Variants in DLGAP1 observed in about 807,000 individuals in gnomAD.
DLGAP1 encodes the protein DLG associated protein 1.
A neutral mutation model predicts 90.8 loss-of-function variants in DLGAP1; 11 were observed. The observed-to-expected ratio is 0.12, with a 90% confidence interval of 0.08 to 0.20. The LOEUF (loss-of-function observed/expected upper bound fraction) is 0.20, where lower values mean the gene tolerates loss of function less well. Among genes scored for constraint, DLGAP1 ranks in the 10% least tolerant of loss-of-function variants. The pLI, the probability that DLGAP1 is intolerant of heterozygous loss-of-function variation, is 1.00. For missense variants in DLGAP1, 1,050 were observed against 1,333.8 expected, an observed-to-expected ratio of 0.79 and a Z score of 3.31; for synonymous variants, 558 against 540.7, an observed-to-expected ratio of 1.03 and a Z score of -0.44.
At chr18:3,847,628 G>A (rs2069091917) in intron 4 of DLGAP1, among the ~76,000 whole-genome samples, 1 of 152,150 alleles carries the variant, frequency 6.6e-6, no homozygotes, top group Admixed American at 6.5e-5. Flanking sequence ...ATCACCAAAC[G>A]TAATTATAGC....
intron 1 of DLGAP1, among the ~76,000 whole-genome samples, chr18:4,162,537 A>G (rs1415270917): frequency 6.6e-6 from 1 of 152,216 alleles, no homozygotes; most frequent in African/African-American, 2.4e-5. Flanking sequence ...AAGGAAGTAA[A>G]TAATCTGAAA....
chr18:3,708,611 T>C (rs2061509509), intron 7 of DLGAP1: 1 of 447,188 alleles, frequency 2.2e-6, no homozygotes, highest in African/African-American at 2.0e-5. Flanking sequence ...GCGATGGGCA[T>C]CTGGACTTAA....
At chr18:3,741,327 C>CATCA (rs2063027339) in intron 6 of DLGAP1, among the ~76,000 whole-genome samples, 1 of 136,406 alleles carries the variant, frequency 7.3e-6, no homozygotes, top group Non-Finnish European at 1.5e-5. Flanking sequence ...ACCACCACCA[C>CATCA]CATCACCACC....
At chr18:4,161,482 C>G (rs2076844607) in intron 1 of DLGAP1, among the ~76,000 whole-genome samples, 1 of 152,090 alleles carries the variant, frequency 6.6e-6, no homozygotes, top group South Asian at 2.1e-4. Flanking sequence ...TTTTCTTTAT[C>G]CAGTCTACCA....
At chr18:3,965,940 C>CAAAAAAAA (rs544643910) in intron 3 of DLGAP1, among the ~76,000 whole-genome samples, 1 of 100,576 alleles carries the variant, frequency 9.9e-6, no homozygotes, top group African/African-American at 3.8e-5. Context: ...GACTCCATGT[C>CAAAAAAAA]AAAAAAAAAA....
At chr18:3,645,709 C>T (rs2059095397) in intron 7 of DLGAP1, among the ~76,000 whole-genome samples, 1 of 152,208 alleles carries the variant, frequency 6.6e-6, no homozygotes, top group Admixed American at 6.6e-5. Context: ...CCATTGCATT[C>T]ATTATATTAA....
At chr18:3,889,764 C>T (rs190681326) in intron 3 of DLGAP1, among the ~76,000 whole-genome samples, 1 of 152,284 alleles carries the variant, frequency 6.6e-6, no homozygotes, top group Non-Finnish European at 1.5e-5. Flanking sequence ...GGGGATGTTC[C>T]TAGAATCACT....
intron 1 of DLGAP1, among the ~76,000 whole-genome samples, chr18:4,396,011 A>G (rs1189418376): frequency 6.6e-6 from 1 of 152,194 alleles, no homozygotes; most frequent in Non-Finnish European, 1.5e-5. Context: ...ATACAAACAT[A>G]TGAAGGAGCA....
intron 2 of DLGAP1, among the ~76,000 whole-genome samples, chr18:4,034,877 T>C (rs2074862248): frequency 6.6e-6 from 1 of 151,754 alleles, no homozygotes; most frequent in African/African-American, 2.4e-5. Flanking sequence ...CTAACTACTT[T>C]CCCCTGCACT....
Position 4,055,349 on chromosome 18 carries a change from G to T in DLGAP1, c.-158-50148C>A, listed in dbSNP as rs140200610. On this transcript the variant is annotated intron_variant, in intron 2 of 12. Coordinates refer to ENST00000315677, the MANE Select transcript of DLGAP1 (RefSeq NM_004746.4). ...TTGCCATATAGGTAAATTGCACACCGTGAGAGTTTGGTGTACAGATTATTT... is the reference window on the plus strand; with the variant it reads ...TTGCCATATAGGTAAATTGCACACCTTGAGAGTTTGGTGTACAGATTATTT... Among the ~76,000 whole-genome samples, 863 of 152,298 alleles carry T rather than the reference G, an allele frequency of 5.7e-3. 7 individuals carry two copies. The highest frequency in any genetic ancestry group is 0.024 in the South Asian group (118 of 4,822).
At chr18:3,762,349 AC>A (rs1424622345) in intron 5 of DLGAP1, among the ~76,000 whole-genome samples, 1 of 152,246 alleles carries the variant, frequency 6.6e-6, no homozygotes, top group African/African-American at 2.4e-5. Flanking sequence ...TTTAAATTGT[AC>A]CAGGCAGCCC....
intron 4 of DLGAP1, among the ~76,000 whole-genome samples, chr18:3,843,184 A>G (rs2068817593): frequency 6.6e-6 from 1 of 152,172 alleles, no homozygotes; most frequent in South Asian, 2.1e-4. Flanking sequence ...ATTAACTAAC[A>G]CAGAGCTAAT....
At chr18:3,631,837 C>T (rs114393760) in intron 7 of DLGAP1, among the ~76,000 whole-genome samples, 1,556 of 152,250 alleles carry the variant, frequency 0.01, 34 homozygotes, top group African/African-American at 0.036. Flanking sequence ...CTGTGGAGTG[C>T]AAATGGCGAG....
At chr18:3,913,182 C>CT (rs2072072598) in intron 3 of DLGAP1, among the ~76,000 whole-genome samples, 3 of 152,164 alleles carry the variant, frequency 2.0e-5, no homozygotes, top group Non-Finnish European at 2.9e-5. Context: ...CCTCGACCTT[C>CT]TGGGTTCTAG....
intron 3 of DLGAP1, among the ~76,000 whole-genome samples, chr18:3,949,902 T>C (rs1296725741): frequency 6.6e-6 from 1 of 152,228 alleles, no homozygotes; most frequent in Admixed American, 6.5e-5. Flanking sequence ...CCACATGATA[T>C]TTTGTTTCTT....
intron 2 of DLGAP1, among the ~76,000 whole-genome samples, chr18:4,022,355 T>C (rs935429607): frequency 6.7e-6 from 1 of 149,230 alleles, no homozygotes; most frequent in African/African-American, 2.4e-5. Flanking sequence ...TTTTATTATA[T>C]ATATATGAAA....
At chr18:4,220,840 A>G (rs1396851961) in intron 1 of DLGAP1, among the ~76,000 whole-genome samples, 1 of 152,160 alleles carries the variant, frequency 6.6e-6, no homozygotes, top group African/African-American at 2.4e-5. Flanking sequence ...ACAGCAATGC[A>G]ATATATAATG....
chr18:3,912,210 C>T (rs2072050430), intron 3 of DLGAP1, among the ~76,000 whole-genome samples: 1 of 152,168 alleles, frequency 6.6e-6, no homozygotes, highest in African/African-American at 2.4e-5. Context: ...CTTGTGCTCC[C>T]AACAACTCTA....
At chr18:4,152,546 G>A (rs2144415584) in intron 1 of DLGAP1, among the ~76,000 whole-genome samples, 1 of 152,246 alleles carries the variant, frequency 6.6e-6, no homozygotes, top group African/African-American at 2.4e-5. Flanking sequence ...AAGAACACTG[G>A]ACTTTCAAAA....
Sources: gnomAD v4.1 joint callset for allele counts (sites outside exome capture counted in the v4.1 genomes callset) on GRCh38, gnomAD v4.1.1 for gene constraint, MANE v1.5 for transcripts, NCBI Gene and HGNC (gene_info 2026-07-23, HGNC 2026-07-21) for gene names.